EVI5: variants seen among roughly 807,000 people sequenced by gnomAD.
EVI5 encodes the protein ecotropic viral integration site 5, also known as ecotropic viral integration site 5 protein homolog.
A neutral mutation model predicts 112.0 loss-of-function variants in EVI5; 73 were observed. The ratio of observed to expected loss-of-function variants is 0.65; its 90% CI spans 0.54 to 0.79. The LOEUF (loss-of-function observed/expected upper bound fraction) is 0.79, where lower values mean the gene tolerates loss of function less well. Ranked by LOEUF, EVI5 falls within the 30% of genes least tolerant of loss-of-function variation. The pLI is 0.00. For synonymous variants in EVI5, 305 were observed against 319.9 expected (o/e 0.95, Z 0.50); for missense variants, 900 against 968.8 (o/e 0.93, Z 0.94).
At chr1:92,761,314 T>C (rs115511690) in intron 1 of EVI5, among the ~76,000 whole-genome samples, 2,376 of 152,234 alleles carry the variant, frequency 0.016, 28 homozygotes, top group Non-Finnish European at 0.026. Context: ...CAAACCAGAG[T>C]GTGCAGACTT....
intron 16 of EVI5, among the ~76,000 whole-genome samples, chr1:92,613,339 C>T (rs1353843770): frequency 6.6e-6 from 1 of 152,106 alleles, no homozygotes; most frequent in African/African-American, 2.4e-5. Flanking sequence ...ACTCTTGTTG[C>T]CCAGGCTGGA....
chr1:92,629,617 G>C (rs1250675393), intron 14 of EVI5, among the ~76,000 whole-genome samples: 1 of 152,084 alleles, frequency 6.6e-6, no homozygotes, highest in Non-Finnish European at 1.5e-5. Context: ...ACTTGTTCTA[G>C]ATTGGACAGT....
intron 1 of EVI5, among the ~76,000 whole-genome samples, chr1:92,772,801 G>T (rs555190660): frequency 8.6e-5 from 13 of 151,810 alleles, no homozygotes; most frequent in African/African-American, 3.1e-4. Context: ...AGCTACTCGG[G>T]AGGCTGAGGC....
intron 16 of EVI5, among the ~76,000 whole-genome samples, chr1:92,613,223 G>A (rs1652283103): frequency 6.6e-6 from 1 of 152,176 alleles, no homozygotes; most frequent in Non-Finnish European, 1.5e-5. Flanking sequence ...GGGGTGGGCA[G>A]GAGCACTAAA....
At chr1:92,572,229 A>G (rs1464234084) in intron 18 of EVI5, among the ~76,000 whole-genome samples, 2 of 152,142 alleles carry the variant, frequency 1.3e-5, no homozygotes, top group Non-Finnish European at 2.9e-5. Flanking sequence ...TTAGGGGTAA[A>G]GTATAACAAA....
At position 92,736,572 on chromosome 1, in the gene EVI5, T is replaced by C. The variant is rs1184384647; in HGVS notation, c.-26A>G. ...CTGACTGACTGTATGCGATACTGTG[T>C]TCTTCACCCATGAGAGAGTAGAGCT... On this transcript the variant is annotated 5_prime_UTR_variant, in exon 2 of 20. Transcript: ENST00000684568. The C allele has an allele frequency of 6.2e-7, 1 of 1,614,118 alleles. No homozygotes were observed. Among genetic ancestry groups the C allele is most frequent in the Non-Finnish European group, 8.5e-7 (1 of 1,179,966 alleles).
chr1:92,635,389 C>A (rs899874906), intron 14 of EVI5, among the ~76,000 whole-genome samples: 1 of 152,202 alleles, frequency 6.6e-6, no homozygotes, highest in African/African-American at 2.4e-5. Flanking sequence ...CAGGCGCCCC[C>A]GCTGCAGCCT....
intron 1 of EVI5, among the ~76,000 whole-genome samples, chr1:92,751,201 G>C (rs1487844896): frequency 6.6e-6 from 1 of 152,136 alleles, no homozygotes; most frequent in Non-Finnish European, 1.5e-5. Flanking sequence ...CCAATATTCA[G>C]TGTATGCATT....
At position 92,660,606 on chromosome 1, in the gene EVI5, G is replaced by A. The variant is rs935010025; in HGVS notation, c.1392+2113C>T. Among the ~76,000 whole-genome samples the A allele has an allele frequency of 5.3e-5, 8 of 152,038 alleles. 1 individual carries two copies. Among genetic ancestry groups the A allele is most frequent in the Admixed American group, 3.9e-4 (6 of 15,276 alleles). ...ATGTTCTCACCACAAAGGAATGTTCGAGGCAATCAATGTGTTAGCTAATTA... is the reference window on the plus strand; with the variant it reads ...ATGTTCTCACCACAAAGGAATGTTCAAGGCAATCAATGTGTTAGCTAATTA... On this transcript the variant is annotated intron_variant, in intron 13 of 19. Coordinates refer to ENST00000684568, the MANE Select transcript of EVI5 (RefSeq NM_001350197.2).
At chr1:92,647,874 G>C (rs1314020526) in intron 13 of EVI5, among the ~76,000 whole-genome samples, 1 of 151,490 alleles carries the variant, frequency 6.6e-6, no homozygotes, top group Non-Finnish European at 1.5e-5. Flanking sequence ...TAAATAGCTG[G>C]GATTACTAGA....
intron 1 of EVI5, among the ~76,000 whole-genome samples, chr1:92,755,013 T>C (rs1246027587): frequency 3.3e-5 from 5 of 152,098 alleles, no homozygotes; most frequent in East Asian, 1.9e-4. Context: ...ATGGGGATTA[T>C]GTTTACAAGT....
chr1:92,779,887 T>TA (rs1684641408), intron 1 of EVI5, among the ~76,000 whole-genome samples: 1 of 152,180 alleles, frequency 6.6e-6, no homozygotes, highest in Non-Finnish European at 1.5e-5. Context: ...GTAAATGGTT[T>TA]AAAGTTTATG....
At chr1:92,578,328 T>C (rs566372714) in intron 18 of EVI5, among the ~76,000 whole-genome samples, 1 of 152,228 alleles carries the variant, frequency 6.6e-6, no homozygotes, top group South Asian at 2.1e-4. Context: ...AATGAAAAAT[T>C]AATACTAAAT....
At chr1:92,739,046 C>A (rs1045288323) in intron 1 of EVI5, among the ~76,000 whole-genome samples, 1 of 152,002 alleles carries the variant, frequency 6.6e-6, no homozygotes, top group Non-Finnish European at 1.5e-5. Context: ...CCAACGCAGG[C>A]AGATCACCCT....
chr1:92,776,640 T>TA (rs1684169854), intron 1 of EVI5, among the ~76,000 whole-genome samples: 2 of 151,528 alleles, frequency 1.3e-5, no homozygotes, highest in South Asian at 4.2e-4. Flanking sequence ...CATGACTTTT[T>TA]TTTTTTTTTT....
At chr1:92,671,834 A>C (rs1572215062) in intron 10 of EVI5, among the ~76,000 whole-genome samples, 8 of 137,266 alleles carry the variant, frequency 5.8e-5, no homozygotes, top group South Asian at 2.3e-4. Flanking sequence ...ACAGGATTTC[A>C]CTCTGTCACC....
intron 14 of EVI5, among the ~76,000 whole-genome samples, chr1:92,632,336 T>C (rs933925104): frequency 6.6e-6 from 1 of 152,216 alleles, no homozygotes; most frequent in Non-Finnish European, 1.5e-5. Context: ...TGGTAAGCTA[T>C]TAATTATTGC....
chr1:92,623,341 A>T (rs1404448741), intron 16 of EVI5, among the ~76,000 whole-genome samples: 1 of 152,210 alleles, frequency 6.6e-6, no homozygotes, highest in Admixed American at 6.5e-5. Flanking sequence ...TGAGATTATG[A>T]TCATTTTGCA....
chr1:92,561,628 T>TC (rs1441348892), intron 19 of EVI5, among the ~76,000 whole-genome samples: 3 of 145,270 alleles, frequency 2.1e-5, no homozygotes, highest in Admixed American at 7.1e-5. Context: ...TATCTATCTA[T>TC]CTATCTATCT....
Sources: allele counts gnomAD v4.1 joint callset (sites outside exome capture counted in the v4.1 genomes callset), GRCh38; gene constraint gnomAD v4.1.1; transcripts MANE v1.5; gene names NCBI Gene and HGNC (gene_info 2026-07-23, HGNC 2026-07-21).